The following TMEM209 variants were observed in gnomAD, a reference collection of about 807,000 sequenced individuals.
TMEM209 encodes transmembrane protein 209.
In TMEM209, 65 loss-of-function variants were observed where a neutral mutation model predicts 76.2. The observed-to-expected ratio is 0.85, with a 90% CI of 0.70 to 1.05. TMEM209 has a LOEUF of 1.05. TMEM209 is among the 50% of genes least tolerant of loss of function. The probability of loss-of-function intolerance (pLI) is 0.00; values close to 1 mark genes in which losing one functional copy is unlikely to be tolerated. For synonymous variants in TMEM209, 239 were observed against 237.6 expected, an observed-to-expected ratio of 1.01 and a Z score of -0.06; for missense variants, 623 against 685.5, an observed-to-expected ratio of 0.91 and a Z score of 1.02.
At chr7:130,185,498 C>T (rs781402028) in intron 6 of TMEM209, 131 bp from the exon 7 acceptor site, 6 of 754,172 alleles carry the variant, frequency 8.0e-6, no homozygotes, top group Non-Finnish European at 1.3e-5. Context: ...TTCTCCCCAA[C>T]ATAATTTTCT....
At chr7:130,203,759 G>GT (rs769405874) in intron 3 of TMEM209, 29 bp downstream of exon 3, 4 of 1,565,978 alleles carry the variant, frequency 2.6e-6, no homozygotes, top group South Asian at 1.2e-5. Flanking sequence ...ATTGGTAAAT[G>GT]TAAGTTACAG....
intron 1 of TMEM209, among the ~76,000 whole-genome samples, chr7:130,204,362 G>C (rs1798344890): frequency 6.6e-6 from 1 of 152,056 alleles, no homozygotes; most frequent in African/African-American, 2.4e-5. Context: ...TATTTGTTTT[G>C]AGACGGAGTC....
intron 10 of TMEM209, among the ~76,000 whole-genome samples, 168 bp downstream of exon 10, chr7:130,178,234 C>A (rs1475300693): frequency 6.6e-6 from 1 of 152,082 alleles, no homozygotes; most frequent in Non-Finnish European, 1.5e-5. Context: ...GCCCATTTAG[C>A]TCATATTTAA....
At chr7:130,197,200 T>C (rs2117025076) in intron 5 of TMEM209, among the ~76,000 whole-genome samples, 1 of 152,318 alleles carries the variant, frequency 6.6e-6, no homozygotes, top group East Asian at 1.9e-4. Context: ...ACTGCAGCAT[T>C]CGCTATTCCC....
intron 6 of TMEM209, among the ~76,000 whole-genome samples, chr7:130,186,578 A>G (rs1365510689): frequency 2.6e-5 from 4 of 152,240 alleles, no homozygotes; most frequent in Admixed American, 6.5e-5. Context: ...ATCCTATTTG[A>G]TTAATCATTG....
At chr7:130,183,978 A>G (rs889752327) in intron 8 of TMEM209, among the ~76,000 whole-genome samples, 7 of 152,170 alleles carry the variant, frequency 4.6e-5, no homozygotes, top group Non-Finnish European at 8.8e-5. Context: ...AAACATAACA[A>G]TTCACTAAAT....
rs554955151 is a variant in TMEM209, at chr7:130,165,267, A to C, written c.*1184T>G. 1 of 152,208 alleles carries C rather than the reference A, an allele frequency of 6.6e-6. No individual in the cohort carries two copies. The highest frequency in any genetic ancestry group is 1.5e-5 in the Non-Finnish European group (1 of 68,032). The allele number at this position is 152,208 out of a possible 1,614,324, so 9.4% of individuals were successfully genotyped here. On this transcript the variant is annotated 3_prime_UTR_variant, in exon 15 of 15. Coordinates refer to ENST00000397622, the MANE Select transcript of TMEM209 (RefSeq NM_032842.4). ...GATGGAAGCAGTCTCTAATATGTTA[A>C]TCAAGAAAATATATGCAATTGCCAG...
Position 130,192,691 on chromosome 7 carries a change from T to C in TMEM209, c.706A>G (p.Met236Val), listed in dbSNP as rs1368997614. Residue 236 changes from methionine (M) to valine (V), a missense_variant, in exon 6 of 15, where the codon ATG (methionine) becomes GTG (valine). Coordinates refer to ENST00000397622, the MANE Select transcript of TMEM209 (RefSeq NM_032842.4). ...GTATCCAAAGTTCGTAGGTCGGTCA[T>C]GTAGTCTTCTTTGTCAGTAGGTGAG... Reference protein sequence around the residue: ...YNSPTDKEDYMTDLRTLDTFL... With the variant: ...YNSPTDKEDYVTDLRTLDTFL... The C allele has an allele frequency of 1.2e-5, 19 of 1,613,726 alleles. No individual in the cohort carries two copies. Among genetic ancestry groups the C allele is most frequent in the Non-Finnish European group, 1.5e-5 (18 of 1,179,764 alleles).
intron 5 of TMEM209, among the ~76,000 whole-genome samples, chr7:130,195,631 GAA>G (rs36103171): frequency 0.021 from 3,078 of 147,164 alleles, 106 homozygotes; most frequent in African/African-American, 0.072. Flanking sequence ...AAGTTATTTG[GAA>G]AAAAAAAAAA....
Position 130,185,219 on chromosome 7 carries a change from A to G in TMEM209, c.924T>C (p.Asp308=), listed in dbSNP as rs768362044. The change falls in exon 7 of 15, where the codon GAT becomes GAC. Residue 308 remains aspartate, a synonymous_variant. Transcript: ENST00000397622. ...QAPCANKDEA[D]LSSKQAAEEV... Reference sequence around the variant, plus strand: ...CTTCTGCGGCTTGTTTAGAGCTGAGATCGGCTTCATCTTTGTTAGCACATG... The same window carrying G: ...CTTCTGCGGCTTGTTTAGAGCTGAGGTCGGCTTCATCTTTGTTAGCACATG... 6 of 1,613,714 alleles carry G rather than the reference A, an allele frequency of 3.7e-6. No individual in the cohort carries two copies. The East Asian group carries it at 1.3e-4, about 36-fold the overall frequency.
In TMEM209 at chr7:130,164,795, A is replaced by C. The variant is rs965999630; in HGVS notation, c.*1656T>G. 1.3e-5 allele frequency: 2 copies of C among 152,196 alleles called. No homozygotes were observed. The highest frequency in any genetic ancestry group is 2.4e-5 in the African/African-American group (1 of 41,470). The allele number at this position is 152,196 out of a possible 1,614,324, so 9.4% of individuals were successfully genotyped here. A position where few individuals can be genotyped will look rare whatever the true frequency, so the allele number is the denominator to read the frequency against. ...ACAGCATGACAATTGTTATTCCAAG[A>C]CATCTTCAGTAACTTTTGAAATAGC... On this transcript the variant is annotated 3_prime_UTR_variant, in exon 15 of 15. Coordinates refer to ENST00000397622, the MANE Select transcript of TMEM209 (RefSeq NM_032842.4).
At chr7:130,188,392 C>A (rs374843812) in intron 6 of TMEM209, among the ~76,000 whole-genome samples, 7 of 151,944 alleles carry the variant, frequency 4.6e-5, no homozygotes, top group South Asian at 2.1e-4. Flanking sequence ...GTCAGGAGAT[C>A]GAGACCATCC....
chr7:130,170,981 G>A lies in TMEM209; in HGVS notation c.1558-508C>T, dbSNP rs539532302. 2.6e-5 allele frequency among the ~76,000 whole-genome samples: 4 copies of A among 151,876 alleles called. No homozygotes were observed. In the South Asian group the frequency reaches 8.3e-4, roughly 32 times the overall value. On this transcript the variant is annotated intron_variant, in intron 13 of 14. Transcript: ENST00000397622. ...GTAGCTGGGACCACAGGCGCCCACC[G>A]CCATGCCCGGCTAATTTTTTTTTTG...
At chr7:130,199,527 T>G (rs1798114285) in intron 5 of TMEM209, among the ~76,000 whole-genome samples, 1 of 152,114 alleles carries the variant, frequency 6.6e-6, no homozygotes, top group Non-Finnish European at 1.5e-5. Context: ...GCCGTCACCT[T>G]TACTTTCTTT....
chr7:130,200,127 T>C lies in TMEM209; in HGVS notation c.573+1723A>G, dbSNP rs547401414. Among the ~76,000 whole-genome samples the C allele has an allele frequency of 1.6e-3, 244 of 152,132 alleles. 2 individuals carry two copies. Among genetic ancestry groups the C allele is most frequent in the Middle Eastern group, 6.8e-3 (2 of 294 alleles). On this transcript the variant is annotated intron_variant, in intron 5 of 14. Coordinates refer to ENST00000397622, the MANE Select transcript of TMEM209 (RefSeq NM_032842.4). Reference sequence around the variant, plus strand: ...CAAGGAGATAAACAGATAGGACTATTAAACATTTAAAGTTTCTCTCTCTCT... The same window carrying C: ...CAAGGAGATAAACAGATAGGACTATCAAACATTTAAAGTTTCTCTCTCTCT...
At chr7:130,196,264 C>A (rs1022226125) in intron 5 of TMEM209, among the ~76,000 whole-genome samples, 1 of 150,884 alleles carries the variant, frequency 6.6e-6, no homozygotes, top group African/African-American at 2.4e-5. Flanking sequence ...GGGATGTATT[C>A]GATATATTGT....
At chr7:130,176,315 G>C (rs1797236332) in intron 10 of TMEM209, among the ~76,000 whole-genome samples, 1 of 151,614 alleles carries the variant, frequency 6.6e-6, no homozygotes. Context: ...CAGAGATGGG[G>C]TTTCACCGTG....
At chr7:130,174,049 C>A in intron 11 of TMEM209, 110 bp from the exon 12 acceptor site, 1 of 691,214 alleles carries the variant, frequency 1.4e-6, no homozygotes. Flanking sequence ...AAAATTTTTT[C>A]TCTGAAGAGT....
At chr7:130,204,427 C>T (rs768444255) in intron 1 of TMEM209, among the ~76,000 whole-genome samples, 4 of 152,140 alleles carry the variant, frequency 2.6e-5, no homozygotes, top group Admixed American at 6.5e-5. Flanking sequence ...CTGCAACCTC[C>T]GCCTCCCGGG....
Sources: allele counts gnomAD v4.1 joint callset (sites outside exome capture counted in the v4.1 genomes callset), GRCh38; gene constraint gnomAD v4.1.1; transcripts MANE v1.5; gene names NCBI Gene and HGNC (gene_info 2026-07-23, HGNC 2026-07-21).